Variants in QTMAN observed in about 807,000 individuals in gnomAD.
QTMAN encodes the protein queuosine-tRNA mannosyltransferase, also known as tRNA-queuosine alpha-mannosyltransferase.
the QTMAN span, among the ~76,000 whole-genome samples, chr2:144,136,439 A>AAAGGAAAGGAAAG: frequency 6.0e-5 from 3 of 49,920 alleles, no homozygotes; most frequent in Admixed American, 1.5e-4. Context: ...GGAAAGGAAA[A>AAAGGAAAGGAAAG]GAAAGGAAAG....
chr2:144,023,628 C>G, the QTMAN span, among the ~76,000 whole-genome samples: 2 of 151,952 alleles, frequency 1.3e-5, no homozygotes, highest in African/African-American at 4.8e-5. Context: ...AATATTTTTT[C>G]TTTGAAAAGT....
the QTMAN span, among the ~76,000 whole-genome samples, chr2:144,173,603 T>C: frequency 6.6e-6 from 1 of 152,150 alleles, no homozygotes; most frequent in South Asian, 2.1e-4. Context: ...CCTGACATAA[T>C]CATGATGTTT....
the QTMAN span, among the ~76,000 whole-genome samples, chr2:144,141,625 A>G: frequency 2.0e-5 from 3 of 150,804 alleles, no homozygotes; most frequent in South Asian, 4.2e-4. Flanking sequence ...GAAACAAAAC[A>G]CCGGGCTGCT....
At chr2:144,229,873 T>C in the QTMAN span, among the ~76,000 whole-genome samples, 1 of 152,178 alleles carries the variant, frequency 6.6e-6, no homozygotes, top group African/African-American at 2.4e-5. Context: ...AGAGGCTTCC[T>C]CTGTAAAACA....
At chr2:144,265,205 G>A in the QTMAN span, among the ~76,000 whole-genome samples, 1 of 152,158 alleles carries the variant, frequency 6.6e-6, no homozygotes, top group Non-Finnish European at 1.5e-5. Flanking sequence ...AGCAAATCAG[G>A]TGTCTGAAAG....
the QTMAN span, among the ~76,000 whole-genome samples, chr2:143,990,197 TTG>T: frequency 2.0e-5 from 3 of 151,274 alleles, no homozygotes; most frequent in Non-Finnish European, 4.4e-5. Context: ...CACAGTAGAG[TTG>T]TTCAGGATGT....
chr2:144,318,875 T>C, the QTMAN span, among the ~76,000 whole-genome samples: 1 of 152,196 alleles, frequency 6.6e-6, no homozygotes, highest in African/African-American at 2.4e-5. Flanking sequence ...GATTCAACAT[T>C]GAGAGAATCC....
chr2:143,968,443 C>T, the QTMAN span, among the ~76,000 whole-genome samples: 5 of 152,304 alleles, frequency 3.3e-5, no homozygotes, highest in African/African-American at 1.2e-4. Flanking sequence ...CCTGTAATTA[C>T]TGAGCACTAA....
At chr2:144,054,622 C>T in the QTMAN span, among the ~76,000 whole-genome samples, 1 of 152,186 alleles carries the variant, frequency 6.6e-6, no homozygotes, top group South Asian at 2.1e-4. Flanking sequence ...CCTTGGGTTA[C>T]ATGAAGGATG....
the QTMAN span, among the ~76,000 whole-genome samples, chr2:144,246,651 T>C: frequency 6.8e-6 from 1 of 147,674 alleles, no homozygotes; most frequent in East Asian, 2.0e-4. Context: ...GTCTCCAATA[T>C]AGAGTCTCAA....
At chr2:144,106,849 G>C in the QTMAN span, among the ~76,000 whole-genome samples, 3 of 152,150 alleles carry the variant, frequency 2.0e-5, no homozygotes, top group Non-Finnish European at 4.4e-5. Context: ...TGACCACAGA[G>C]TTGGAAGTAA....
At chr2:144,182,902 T>A in the QTMAN span, among the ~76,000 whole-genome samples, 196 of 96,298 alleles carry the variant, frequency 2.0e-3, 5 homozygotes, top group East Asian at 0.02. Flanking sequence ...ATATATATAT[T>A]ATATATATAT....
the QTMAN span, among the ~76,000 whole-genome samples, chr2:144,252,172 G>T: frequency 1.3e-5 from 2 of 152,136 alleles, no homozygotes; most frequent in Non-Finnish European, 2.9e-5. Flanking sequence ...TCTAAGACAA[G>T]CCTGGGCAAC....
the QTMAN span, among the ~76,000 whole-genome samples, chr2:144,308,946 T>A: frequency 6.6e-6 from 1 of 152,204 alleles, no homozygotes. Flanking sequence ...ATCCAACGTT[T>A]TTTAATGGAC....
chr2:143,954,789 A>T, the QTMAN span, among the ~76,000 whole-genome samples: 1 of 152,082 alleles, frequency 6.6e-6, no homozygotes, highest in South Asian at 2.1e-4. Context: ...TCTCATGACA[A>T]TAATACAATT....
the QTMAN span, among the ~76,000 whole-genome samples, chr2:144,279,909 C>T: frequency 6.6e-6 from 1 of 151,996 alleles, no homozygotes; most frequent in Admixed American, 6.6e-5. Flanking sequence ...CTATCAGTGA[C>T]ACAATTATAT....
chr2:144,306,840 C>T, the QTMAN span, among the ~76,000 whole-genome samples: 2 of 152,184 alleles, frequency 1.3e-5, no homozygotes, highest in African/African-American at 4.8e-5. Flanking sequence ...CTAATCAATT[C>T]AATTCACCAT....
chr2:144,179,476 G>T, the QTMAN span, among the ~76,000 whole-genome samples: 1 of 152,240 alleles, frequency 6.6e-6, no homozygotes, highest in East Asian at 1.9e-4. Context: ...ATGTGATTTA[G>T]ATATATTTTT....
chr2:144,029,665 G>C, the QTMAN span, among the ~76,000 whole-genome samples: 1 of 152,120 alleles, frequency 6.6e-6, no homozygotes, highest in African/African-American at 2.4e-5. Context: ...AAAGCTCAGG[G>C]AGGGGAGACA....
Sources: allele counts gnomAD v4.1 joint callset (sites outside exome capture counted in the v4.1 genomes callset), GRCh38; gene constraint gnomAD v4.1.1; transcripts MANE v1.5; gene names NCBI Gene and HGNC (gene_info 2026-07-23, HGNC 2026-07-21).